Variants in TMEM266 observed in about 807,000 individuals in gnomAD.
TMEM266 encodes Hv1 related protein 1.
TMEM266 carries 33 observed loss-of-function variants against 50.5 expected under a neutral mutation model. The observed-to-expected ratio is 0.65, with a 90% CI of 0.50 to 0.87. The LOEUF (loss-of-function observed/expected upper bound fraction) is 0.87, where lower values mean the gene tolerates loss of function less well. TMEM266 is among the 40% of genes least tolerant of loss of function. TMEM266 has a pLI of 0.00. For synonymous variants in TMEM266, 310 were observed against 292.3 expected (o/e 1.06, Z -0.62); for missense variants, 655 against 695.1 (o/e 0.94, Z 0.65).
chr15:76,183,590 C>G lies in TMEM266; in HGVS notation c.768+7916C>G, dbSNP rs12910640. Reference sequence around the variant, plus strand: ...CAGTACCAACTAGGGGCACCAGATGCTGTCAGAAGTGGTCTTTGTGCCCAA... The same window carrying G: ...CAGTACCAACTAGGGGCACCAGATGGTGTCAGAAGTGGTCTTTGTGCCCAA... On this transcript the variant is annotated intron_variant, in intron 8 of 10. Coordinates refer to ENST00000388942, the MANE Select transcript of TMEM266 (RefSeq NM_152335.3). Among the ~76,000 whole-genome samples, 4 of 152,062 alleles carry G rather than the reference C, an allele frequency of 2.6e-5. No homozygotes were observed. The South Asian group carries it at 6.2e-4, about 24-fold the overall frequency.
At chr15:76,203,615 C>A in intron 10 of TMEM266, 126 bp from the exon 11 acceptor site, 1 of 871,636 alleles carries the variant, frequency 1.1e-6, no homozygotes, top group Non-Finnish European at 1.8e-6. Context: ...CCTCCTTCCA[C>A]AAAGGCACGG....
intron 1 of TMEM266, among the ~76,000 whole-genome samples, chr15:76,097,997 G>T (rs902887628): frequency 2.6e-5 from 4 of 151,868 alleles, no homozygotes; most frequent in African/African-American, 9.7e-5. Context: ...TTAGGAATTC[G>T]TCTAACCTTT....
intron 3 of TMEM266, among the ~76,000 whole-genome samples, chr15:76,140,908 G>C (rs940203514): frequency 6.6e-6 from 1 of 151,336 alleles, no homozygotes; most frequent in Non-Finnish European, 1.5e-5. Flanking sequence ...ATGGTGGCAC[G>C]CACCTGTCAT....
intron 1 of TMEM266, among the ~76,000 whole-genome samples, chr15:76,107,178 G>A (rs2955753): frequency 0.45 from 68,335 of 152,058 alleles, 15,631 homozygotes; most frequent in East Asian, 0.62. Context: ...TAACCAATAT[G>A]TCCAGAGTAT....
chr15:76,156,320 A>G lies in TMEM266; in HGVS notation c.228-284A>G, dbSNP rs1231359671. 9.9e-5 allele frequency among the ~76,000 whole-genome samples: 15 copies of G among 152,194 alleles called. 1 individual carries two copies. The East Asian group carries it at 2.5e-3, about 25-fold the overall frequency. ...GGTTGCAGTGAGCTGAGATTGCACCACTGCACTCCAGCCTGGGCAACAGAG... is the reference window on the plus strand; with the variant it reads ...GGTTGCAGTGAGCTGAGATTGCACCGCTGCACTCCAGCCTGGGCAACAGAG... On this transcript the variant is annotated intron_variant, in intron 3 of 10. Transcript: ENST00000388942.
At chr15:76,197,797 A>G (rs1489446045) in intron 9 of TMEM266, among the ~76,000 whole-genome samples, 3 of 152,136 alleles carry the variant, frequency 2.0e-5, no homozygotes, top group Admixed American at 2.0e-4. Context: ...ACCACAGTCC[A>G]TGCAGCCTGG....
intron 1 of TMEM266, among the ~76,000 whole-genome samples, chr15:76,101,766 C>T (rs1416949812): frequency 2.0e-5 from 3 of 152,252 alleles, no homozygotes; most frequent in African/African-American, 7.2e-5. Context: ...ACTGCACTCC[C>T]CTCTCACAGC....
intron 1 of TMEM266, among the ~76,000 whole-genome samples, chr15:76,133,159 C>G (rs982916439): frequency 2.0e-5 from 3 of 151,324 alleles, no homozygotes; most frequent in African/African-American, 7.3e-5. Context: ...TCAGGCCGGG[C>G]GCGGTGGCTC....
At chr15:76,199,077 T>A (rs2038700480) in intron 9 of TMEM266, among the ~76,000 whole-genome samples, 1 of 152,144 alleles carries the variant, frequency 6.6e-6, no homozygotes, top group Non-Finnish European at 1.5e-5. Context: ...GGGTAAACCA[T>A]GAAGTCCAAT....
In TMEM266 at chr15:76,160,335, G is replaced by A. The variant is rs1319189099; in HGVS notation, c.456+167G>A. On this transcript the variant is annotated intron_variant, in intron 5 of 10. Transcript: ENST00000388942. The surrounding 1 kb of genome is among the most constrained non-coding windows in gnomAD (Gnocchi z 5.7). ...ATAGATGATCTCTGCGGGGGGAAGTGGTACAGGGAGCCCAACCCAGCCAGG... is the reference window on the plus strand; with the variant it reads ...ATAGATGATCTCTGCGGGGGGAAGTAGTACAGGGAGCCCAACCCAGCCAGG... 6.6e-6 allele frequency among the ~76,000 whole-genome samples: 1 copy of A among 152,214 alleles called. No individual in the cohort carries two copies. Among genetic ancestry groups the A allele is most frequent in the African/African-American group, 2.4e-5 (1 of 41,446 alleles).
intron 3 of TMEM266, among the ~76,000 whole-genome samples, chr15:76,138,154 G>A (rs1248487521): frequency 2.7e-5 from 4 of 150,796 alleles, no homozygotes; most frequent in South Asian, 2.1e-4. Context: ...CCCGAGAGGC[G>A]GAGGTTGCAG....
At chr15:76,093,913 C>T (rs181022196) in intron 1 of TMEM266, among the ~76,000 whole-genome samples, 68 of 152,142 alleles carry the variant, frequency 4.5e-4, no homozygotes, top group African/African-American at 1.6e-3. Context: ...TAAATGTCTT[C>T]TTTTGAAAAG....
chr15:76,087,393 G>T (rs552972268), intron 1 of TMEM266, among the ~76,000 whole-genome samples: 2 of 152,252 alleles, frequency 1.3e-5, no homozygotes, highest in African/African-American at 4.8e-5. Flanking sequence ...GAAAATTTGG[G>T]GTTATACCCT....
At chr15:76,191,924 CG>C in intron 8 of TMEM266, 43 bp from the exon 9 acceptor site, 1 of 1,518,186 alleles carries the variant, frequency 6.6e-7, no homozygotes. Flanking sequence ...AGGCCCCCGC[CG>C]GCCCCTCGCC....
chr15:76,121,875 A>G (rs1290809007), intron 1 of TMEM266, among the ~76,000 whole-genome samples: 3 of 152,244 alleles, frequency 2.0e-5, no homozygotes, highest in Non-Finnish European at 2.9e-5. Context: ...ATGTCTATCT[A>G]TGCATCTGTC....
chr15:76,142,821 A>G (rs1051700603), intron 3 of TMEM266, among the ~76,000 whole-genome samples: 1 of 151,788 alleles, frequency 6.6e-6, no homozygotes, highest in Non-Finnish European at 1.5e-5. Flanking sequence ...TCCTCTCTTC[A>G]CCTCTGCACT....
chr15:76,089,899 AG>A (rs2036826158), intron 1 of TMEM266, among the ~76,000 whole-genome samples: 2 of 152,170 alleles, frequency 1.3e-5, no homozygotes. Context: ...GGGCTGTGAA[AG>A]AGGGAAAGAT....
intron 1 of TMEM266, among the ~76,000 whole-genome samples, chr15:76,109,915 CTCCTAAAGT>C (rs2037142504): frequency 6.6e-6 from 1 of 152,014 alleles, no homozygotes; most frequent in African/African-American, 2.4e-5. Context: ...CTGCCTTGCC[CTCCTAAAGT>C]GCTGGGATTA....
chr15:76,130,677 G>T (rs964208343), intron 1 of TMEM266, among the ~76,000 whole-genome samples: 1 of 152,244 alleles, frequency 6.6e-6, no homozygotes, highest in Admixed American at 6.5e-5. Flanking sequence ...TTCCAAAACA[G>T]TCATGAGTGG....
Sources: gnomAD v4.1 joint callset for allele counts (sites outside exome capture counted in the v4.1 genomes callset) on GRCh38, gnomAD v4.1.1 for gene constraint, Gnocchi (gnomAD v3.1) non-coding constraint, MANE v1.5 for transcripts, NCBI Gene and HGNC (gene_info 2026-07-23, HGNC 2026-07-21) for gene names.